Variants in MYOZ2 observed in about 807,000 individuals in gnomAD.
MYOZ2 encodes myozenin-2.
A neutral mutation model predicts 25.4 loss-of-function variants in MYOZ2; 19 were observed. The observed-to-expected ratio is 0.75, with a 90% CI of 0.52 to 1.10. The LOEUF is 1.10. Among genes scored for constraint, MYOZ2 ranks in the 50% least tolerant of loss-of-function variants. MYOZ2 has a pLI of 0.00. For missense variants in MYOZ2, 270 were observed against 317.9 expected (o/e 0.85, Z 1.15); for synonymous variants, 92 against 106.9 (o/e 0.86, Z 0.86).
intron 5 of MYOZ2, among the ~76,000 whole-genome samples, chr4:119,169,543 C>G (rs28740785): frequency 6.6e-6 from 1 of 152,182 alleles, no homozygotes; most frequent in Non-Finnish European, 1.5e-5. Flanking sequence ...GAAGTGAGTA[C>G]TTGAGGCCAG....
chr4:119,164,521 A>G lies in MYOZ2; in HGVS notation c.560+127A>G, dbSNP rs77187847. 7,394 of 862,728 alleles carry G rather than the reference A, an allele frequency of 8.6e-3. 372 individuals carry two copies. The African/African-American group carries it at 0.11, about 13-fold the overall frequency. 53.4% of individuals were successfully genotyped at this position (862,728 alleles called of 1,614,324 possible). On this transcript the variant is annotated intron_variant, in intron 5 of 5. Transcript: ENST00000307128. ...TTGAGAAAAGAATCTAAATAGCAATATAGGATATCTTCTAAGCCTAGGCAA... is the reference window on the plus strand; with the variant it reads ...TTGAGAAAAGAATCTAAATAGCAATGTAGGATATCTTCTAAGCCTAGGCAA...
In MYOZ2 at chr4:119,141,688, T is replaced by G. The variant is rs528004525; in HGVS notation, c.76+5087T>G. On this transcript the variant is annotated intron_variant, in intron 2 of 5. Transcript: ENST00000307128. ...TGAACCACCATGCCCGGCCTTATTTTTAATAGATGATCTAATGCCACAAAG... is the reference window on the plus strand; with the variant it reads ...TGAACCACCATGCCCGGCCTTATTTGTAATAGATGATCTAATGCCACAAAG... 5.9e-5 allele frequency among the ~76,000 whole-genome samples: 9 copies of G among 152,314 alleles called. No homozygotes were observed. In the East Asian group the frequency reaches 1.5e-3, roughly 26 times the overall value.
At chr4:119,150,445 G>A (rs891675259) in intron 2 of MYOZ2, among the ~76,000 whole-genome samples, 1 of 151,282 alleles carries the variant, frequency 6.6e-6, no homozygotes, top group Non-Finnish European at 1.5e-5. Flanking sequence ...ATGGGGTGGG[G>A]TGGAGTGGGA....
chr4:119,165,825 T>G (rs1297368863), intron 5 of MYOZ2, among the ~76,000 whole-genome samples: 3 of 152,244 alleles, frequency 2.0e-5, no homozygotes, highest in Non-Finnish European at 4.4e-5. Context: ...TCTCTGTATC[T>G]TGTGGCTTTG....
intron 5 of MYOZ2, among the ~76,000 whole-genome samples, chr4:119,176,855 G>C (rs1460283866): frequency 4.6e-5 from 7 of 152,154 alleles, no homozygotes; most frequent in Admixed American, 4.6e-4. Context: ...ATTAGTATGG[G>C]AATTATCTTG....
intron 2 of MYOZ2, among the ~76,000 whole-genome samples, chr4:119,142,908 C>A (rs1037876153): frequency 2.6e-5 from 4 of 152,074 alleles, no homozygotes; most frequent in African/African-American, 9.7e-5. Context: ...CTGTTGCACT[C>A]CATTTTGTGC....
chr4:119,177,170 A>T lies in MYOZ2; in HGVS notation c.561-8796A>T, dbSNP rs1742092257. ...CCCTTTGCTCACTATTTCTACCTAGACAGATTTTGTAGTTCGCCATTATGA... is the reference window on the plus strand; with the variant it reads ...CCCTTTGCTCACTATTTCTACCTAGTCAGATTTTGTAGTTCGCCATTATGA... On this transcript the variant is annotated intron_variant, in intron 5 of 5. Coordinates refer to ENST00000307128, the MANE Select transcript of MYOZ2 (RefSeq NM_016599.5). Among the ~76,000 whole-genome samples the T allele has an allele frequency of 2.0e-5, 3 of 152,170 alleles. No homozygotes were observed. The South Asian group carries it at 6.2e-4, about 32-fold the overall frequency.
chr4:119,169,473 A>T (rs1020848363), intron 5 of MYOZ2, among the ~76,000 whole-genome samples: 2 of 152,230 alleles, frequency 1.3e-5, no homozygotes, highest in Non-Finnish European at 2.9e-5. Flanking sequence ...ACTTCATAAA[A>T]ATAACCAGAA....
chr4:119,187,676 GT>G lies in MYOZ2; in HGVS notation c.*1480del, dbSNP rs1421460165. 6.6e-6 allele frequency: 1 copy of G among 152,046 alleles called. No homozygotes were observed. 9.4% of individuals were successfully genotyped at this position (152,046 alleles called of 1,614,324 possible). ...TATTTATAAGTTTTGGTGTTTACCT[GT>G]TTTAAAATGATAATGTTGGCATCTG... is the stretch of plus-strand genomic sequence containing the variant. On this transcript the variant is annotated 3_prime_UTR_variant, in exon 6 of 6. Transcript: ENST00000307128.
intron 5 of MYOZ2, among the ~76,000 whole-genome samples, chr4:119,172,034 G>A (rs1394861528): frequency 2.0e-5 from 3 of 152,180 alleles, no homozygotes; most frequent in African/African-American, 4.8e-5. Flanking sequence ...GATAATGAGT[G>A]GATGAAAATC....
chr4:119,143,028 T>G (rs1741204744), intron 2 of MYOZ2, among the ~76,000 whole-genome samples: 1 of 152,086 alleles, frequency 6.6e-6, no homozygotes, highest in African/African-American at 2.4e-5. Context: ...GGAGGGTCTT[T>G]TTGCTGAGTC....
In MYOZ2 at chr4:119,138,742, C is replaced by A. The variant is rs557855801; in HGVS notation, c.76+2141C>A. On this transcript the variant is annotated intron_variant, in intron 2 of 5. Coordinates refer to ENST00000307128, the MANE Select transcript of MYOZ2 (RefSeq NM_016599.5). ...TCAGAATTTTTTTTCAGCCTCATAACTCATTTAATTTTTATTACTACTTAC... is the reference window on the plus strand; with the variant it reads ...TCAGAATTTTTTTTCAGCCTCATAAATCATTTAATTTTTATTACTACTTAC... Among the ~76,000 whole-genome samples, 5 of 152,246 alleles carry A rather than the reference C, an allele frequency of 3.3e-5. No homozygotes were observed. The South Asian group carries it at 8.3e-4, about 25-fold the overall frequency.
chr4:119,163,169 G>C (rs982392236), intron 4 of MYOZ2, among the ~76,000 whole-genome samples: 1 of 151,850 alleles, frequency 6.6e-6, no homozygotes, highest in African/African-American at 2.4e-5. Flanking sequence ...GCAATCTGAA[G>C]AAAATTAAAT....
At chr4:119,172,087 A>C (rs1402664867) in intron 5 of MYOZ2, among the ~76,000 whole-genome samples, 1 of 152,206 alleles carries the variant, frequency 6.6e-6, no homozygotes, top group Admixed American at 6.5e-5. Context: ...CCCAGAGTTT[A>C]GTTCAACTTT....
chr4:119,159,226 T>G (rs1741652527), intron 4 of MYOZ2, among the ~76,000 whole-genome samples: 1 of 152,050 alleles, frequency 6.6e-6, no homozygotes, highest in Non-Finnish European at 1.5e-5. Context: ...GGCCAGGAGC[T>G]CGAGACCAGC....
At chr4:119,139,318 T>G (rs557743352) in intron 2 of MYOZ2, among the ~76,000 whole-genome samples, 2 of 152,286 alleles carry the variant, frequency 1.3e-5, no homozygotes, top group African/African-American at 4.8e-5. Context: ...CCTCTGTGCT[T>G]TATATAAAAG....
At chr4:119,167,140 G>A (rs988409916) in intron 5 of MYOZ2, among the ~76,000 whole-genome samples, 4 of 152,232 alleles carry the variant, frequency 2.6e-5, no homozygotes, top group African/African-American at 9.7e-5. Context: ...TAGGCCTCTT[G>A]TGCCAGTTAG....
intron 5 of MYOZ2, among the ~76,000 whole-genome samples, chr4:119,178,648 C>T (rs1742127778): frequency 6.6e-6 from 1 of 152,054 alleles, no homozygotes; most frequent in South Asian, 2.1e-4. Context: ...GCTCTGTCGC[C>T]CAGGCTGGAG....
At chr4:119,160,608 T>G (rs749846814) in intron 4 of MYOZ2, among the ~76,000 whole-genome samples, 3 of 152,146 alleles carry the variant, frequency 2.0e-5, no homozygotes, top group Non-Finnish European at 4.4e-5. Context: ...TGGTTGTATA[T>G]GTATGTTTAT....
Sources: allele counts gnomAD v4.1 joint callset (sites outside exome capture counted in the v4.1 genomes callset), GRCh38; gene constraint gnomAD v4.1.1; transcripts MANE v1.5; gene names NCBI Gene and HGNC (gene_info 2026-07-23, HGNC 2026-07-21).